The following ABRAXAS1 variants were observed in gnomAD, a reference collection of about 807,000 sequenced individuals.
The protein encoded by ABRAXAS1 is BRCA1-A complex subunit Abraxas 1.
ABRAXAS1 carries 26 observed loss-of-function variants against 38.4 expected under a neutral mutation model. The ratio of observed to expected loss-of-function variants is 0.68; its 90% CI spans 0.50 to 0.94. The LOEUF is 0.94. Among genes scored for constraint, ABRAXAS1 ranks in the 40% least tolerant of loss-of-function variants. The pLI, the probability that ABRAXAS1 is intolerant of heterozygous loss-of-function variation, is 0.00. For synonymous variants in ABRAXAS1, 144 were observed against 165.5 expected (o/e 0.87, Z 1.00); for missense variants, 438 against 481.9 (o/e 0.91, Z 0.85).
At chr4:83,463,200 C>T (rs28696794) in intron 8 of ABRAXAS1, among the ~76,000 whole-genome samples, 13 of 152,170 alleles carry the variant, frequency 8.5e-5, no homozygotes, top group Middle Eastern at 3.4e-3. Flanking sequence ...GAGGCTGAGG[C>T]GGGTGGATCA....
intron 1 of ABRAXAS1, 146 bp downstream of exon 1, chr4:83,484,840 G>C: frequency 1.7e-6 from 1 of 575,706 alleles, no homozygotes; most frequent in Admixed American, 3.8e-5. Context: ...GACCGCTGAG[G>C]GGGAGAGAAG....
rs1722087349 is a variant in ABRAXAS1 at position 83,461,068 on chromosome 4, G to A, written c.*1401C>T. 6.2e-7 allele frequency: 1 copy of A among 1,611,870 alleles called. No homozygotes were observed. Among genetic ancestry groups the A allele is most frequent in the South Asian group, 1.1e-5 (1 of 91,024 alleles). On this transcript the variant is annotated 3_prime_UTR_variant, in exon 9 of 9. Transcript: ENST00000321945. ...ATACCTCAACAACTGAATTGAGCTA[G>A]CTGAAATTTTGCTCATTATGTTTTG...
intron 1 of ABRAXAS1, 101 bp from the exon 2 acceptor site, chr4:83,482,345 C>T: frequency 1.6e-6 from 1 of 615,100 alleles, no homozygotes; most frequent in Non-Finnish European, 2.8e-6. Context: ...ACAATATGTG[C>T]TACCAGTCGG....
Position 83,459,852 on chromosome 4 carries a change from A to C in ABRAXAS1, c.*2617T>G. 7.0e-7 allele frequency: 1 copy of C among 1,423,654 alleles called. No homozygotes were observed. Among genetic ancestry groups the C allele is most frequent in the South Asian group, 1.3e-5 (1 of 79,812 alleles). 88.2% of individuals were successfully genotyped at this position (1,423,654 alleles called of 1,614,324 possible). A position where few individuals can be genotyped will look rare whatever the true frequency, so the allele number is the denominator to read the frequency against. On this transcript the variant is annotated 3_prime_UTR_variant, in exon 9 of 9. Coordinates refer to ENST00000321945, the MANE Select transcript of ABRAXAS1 (RefSeq NM_139076.3). ...ATGTAGATACGAATTATATCAATCT[A>C]TTTCTATCATTTAAGAAAACTCAAA...
intron 2 of ABRAXAS1, chr4:83,478,274 T>G: frequency 4.5e-6 from 3 of 663,400 alleles, no homozygotes. Flanking sequence ...TGTGGATCTC[T>G]ATAAGGGCAC....
At chr4:83,467,168 C>A (rs1722393585) in intron 7 of ABRAXAS1, 1 of 298,336 alleles carries the variant, frequency 3.4e-6, no homozygotes, top group African/African-American at 2.3e-5. Context: ...ATTGGCATTA[C>A]AGATCAAATA....
chr4:83,480,388 G>A (rs1342916706), intron 2 of ABRAXAS1: 4 of 424,602 alleles, frequency 9.4e-6, no homozygotes, highest in African/African-American at 2.1e-5. Context: ...AAAACAAAAT[G>A]TATATATACA....
intron 1 of ABRAXAS1, 85 bp from the exon 2 acceptor site, chr4:83,482,329 A>G: frequency 1.3e-6 from 1 of 746,370 alleles, no homozygotes; most frequent in Non-Finnish European, 2.1e-6. Flanking sequence ...GTATTTTACT[A>G]TGTATACAAT....
Position 83,460,983 on chromosome 4 carries a change from GAAGA to G in ABRAXAS1, c.*1482_*1485del. On this transcript the variant is annotated 3_prime_UTR_variant, in exon 9 of 9. Coordinates refer to ENST00000321945, the MANE Select transcript of ABRAXAS1 (RefSeq NM_139076.3). ...CTTTTTATTTTACAGGTCTTTGTGG[GAAGA>G]AACAGAAAGAAATCACAAAAGCAAT... 1 of 1,606,750 alleles carries G rather than the reference GAAGA, an allele frequency of 6.2e-7. No individual in the cohort carries two copies. Among genetic ancestry groups the G allele is most frequent in the Non-Finnish European group, 8.5e-7 (1 of 1,177,958 alleles).
In ABRAXAS1 at chr4:83,461,486, G is replaced by C. The variant is rs1426380014; in HGVS notation, c.*983C>G. The C allele has an allele frequency of 2.9e-6, 1 of 342,800 alleles. No individual in the cohort carries two copies. The highest frequency in any genetic ancestry group is 4.4e-5 in the East Asian group (1 of 22,868). The allele number at this position is 342,800 out of a possible 1,614,324, so 21.2% of individuals were successfully genotyped here. A position where few individuals can be genotyped will look rare whatever the true frequency, so the allele number is the denominator to read the frequency against. ...AATAGAATGGAATTAAAACTGTTCAGAATGATTTTCCAACTAGCAAATATA... is the reference window on the plus strand; with the variant it reads ...AATAGAATGGAATTAAAACTGTTCACAATGATTTTCCAACTAGCAAATATA... On this transcript the variant is annotated 3_prime_UTR_variant, in exon 9 of 9. Coordinates refer to ENST00000321945, the MANE Select transcript of ABRAXAS1 (RefSeq NM_139076.3).
chr4:83,461,188 T>C lies in ABRAXAS1; in HGVS notation c.*1281A>G, dbSNP rs747750517. On this transcript the variant is annotated 3_prime_UTR_variant, in exon 9 of 9. Coordinates refer to ENST00000321945, the MANE Select transcript of ABRAXAS1 (RefSeq NM_139076.3). ...ACCCTAAAGTTTGTAACATCAGATATCGGGAATAAATTCTATCACGTTACC... is the reference window on the plus strand; with the variant it reads ...ACCCTAAAGTTTGTAACATCAGATACCGGGAATAAATTCTATCACGTTACC... 7 of 1,611,878 alleles carry C rather than the reference T, an allele frequency of 4.3e-6. No individual in the cohort carries two copies. Among genetic ancestry groups the C allele is most frequent in the Non-Finnish European group, 5.9e-6 (7 of 1,179,344 alleles).
chr4:83,467,284 A>G, intron 7 of ABRAXAS1, 170 bp downstream of exon 7: 2 of 520,754 alleles, frequency 3.8e-6, no homozygotes, highest in East Asian at 3.5e-5. Context: ...TGTTTGCACA[A>G]TGATAAAACT....
chr4:83,483,333 T>G (rs1723062395), intron 1 of ABRAXAS1, among the ~76,000 whole-genome samples: 1 of 149,982 alleles, frequency 6.7e-6, no homozygotes, highest in African/African-American at 2.5e-5. Context: ...CAGGCTGGAG[T>G]GCAGCGGTGC....
chr4:83,463,141 C>A (rs540071037), intron 8 of ABRAXAS1, among the ~76,000 whole-genome samples: 2 of 152,256 alleles, frequency 1.3e-5, no homozygotes, highest in East Asian at 3.9e-4. Context: ...TTTAAAAGCA[C>A]AGAAAGGGCC....
intron 1 of ABRAXAS1, among the ~76,000 whole-genome samples, chr4:83,483,522 ATCC>A (rs1360232958): frequency 6.6e-6 from 1 of 152,020 alleles, no homozygotes; most frequent in Non-Finnish European, 1.5e-5. Context: ...GGCTCAAATG[ATCC>A]TCCTGCCTCC....
In ABRAXAS1 at chr4:83,469,108, A is replaced by G; in HGVS notation, c.520T>C (p.Ser174Pro). 1 of 1,614,042 alleles carries G rather than the reference A, an allele frequency of 6.2e-7. No individual in the cohort carries two copies. Among genetic ancestry groups the G allele is most frequent in the Non-Finnish European group, 8.5e-7 (1 of 1,179,950 alleles). Residue 174 changes from serine (S) to proline (P), a missense_variant, in exon 6 of 9, where the codon TCT becomes CCT. By Grantham distance (74) the Ser-to-Pro change is moderately conservative. Around this residue, in one of 3 missense-constraint regions of ABRAXAS1, gnomAD observed 194 missense variants for 269.0 expected, o/e 0.72. Transcript: ENST00000321945. The part of the protein sequence containing the change: ...VPLVVANLGM[S>P]EQLGYKTVSG... ...ACAGTTTTATAACCCAGTTGTTCAG[A>G]CATGCCCAGATTGGCAACCACTAAA... is the stretch of plus-strand genomic sequence containing the variant.
chr4:83,484,907 C>A (rs1015084809), intron 1 of ABRAXAS1, 79 bp downstream of exon 1: 35 of 1,256,778 alleles, frequency 2.8e-5, no homozygotes, highest in Non-Finnish European at 3.7e-5. Flanking sequence ...GGGCGGGGAC[C>A]GGAGCAACAG....
chr4:83,462,538 G>A lies in ABRAXAS1; in HGVS notation c.1161C>T (p.Ser387=), dbSNP rs752627041. 1.9e-6 allele frequency: 3 copies of A among 1,614,032 alleles called. No homozygotes were observed. The South Asian group carries it at 3.3e-5, about 18-fold the overall frequency. ...SNQDKASKMS[S]PETDEEIEKM... ...TTTCAATTTCTTCATCTGTTTCTGG[G>A]CTGCTCATTTTGGATGCTTTATCTT... is the stretch of plus-strand genomic sequence containing the variant. The change falls in exon 9 of 9, where the codon AGC becomes AGT. Residue 387 remains serine (S), a synonymous_variant. Transcript: ENST00000321945.
chr4:83,483,452 T>A (rs1453962340), intron 1 of ABRAXAS1, among the ~76,000 whole-genome samples: 1 of 152,076 alleles, frequency 6.6e-6, no homozygotes, highest in East Asian at 1.9e-4. Flanking sequence ...GGCTAATTTT[T>A]AAAATTTTTT....
Sources: gnomAD v4.1 joint callset for allele counts (sites outside exome capture counted in the v4.1 genomes callset) on GRCh38, gnomAD v4.1.1 for gene constraint, gnomAD v4.1.1 regional missense constraint, MANE v1.5 for transcripts, NCBI Gene and HGNC (gene_info 2026-07-23, HGNC 2026-07-21) for gene names.